Variants in MAF observed in about 807,000 individuals in gnomAD.
MAF encodes the protein MAF bZIP transcription factor, also known as transcription factor Maf.
MAF carries 10 observed loss-of-function variants against 22.0 expected under a neutral mutation model. The ratio of observed to expected loss-of-function variants is 0.45; its 90% CI spans 0.28 to 0.77. The LOEUF (loss-of-function observed/expected upper bound fraction) is 0.77. Ranked by LOEUF, MAF falls within the 30% of genes least tolerant of loss-of-function variation. The pLI is 0.12. For missense variants in MAF, 544 were observed against 548.4 expected (o/e 0.99, Z 0.08); for synonymous variants, 337 against 255.8 (o/e 1.32, Z -3.03).
chr16:79,281,838 T>G, the MAF span, among the ~76,000 whole-genome samples: 1 of 152,096 alleles, frequency 6.6e-6, no homozygotes. Context: ...TACAATCCTT[T>G]ACGCCTACAG....
At chr16:79,421,939 A>G in the MAF span, among the ~76,000 whole-genome samples, 2 of 152,092 alleles carry the variant, frequency 1.3e-5, no homozygotes, top group Admixed American at 6.5e-5. Flanking sequence ...CATCACACTC[A>G]GCTAATTTTT....
chr16:79,379,773 G>T, the MAF span, among the ~76,000 whole-genome samples: 1 of 152,054 alleles, frequency 6.6e-6, no homozygotes, highest in African/African-American at 2.4e-5. Context: ...TGTGTATGAC[G>T]GACACAGCTA....
At chr16:79,241,489 G>C in the MAF span, among the ~76,000 whole-genome samples, 5 of 151,990 alleles carry the variant, frequency 3.3e-5, no homozygotes, top group Non-Finnish European at 7.4e-5. Flanking sequence ...GACAAGATTA[G>C]AGAAAAAACA....
downstream of MAF, among the ~76,000 whole-genome samples, chr16:79,593,001 G>A (rs1913272488): frequency 3.9e-5 from 6 of 152,188 alleles, no homozygotes; most frequent in South Asian, 1.0e-3. Context: ...GAAATCAGAC[G>A]GCTGAAGGTT....
chr16:79,521,949 G>C, the MAF span, among the ~76,000 whole-genome samples: 873 of 152,242 alleles, frequency 5.7e-3, 9 homozygotes, highest in African/African-American at 0.02. Flanking sequence ...TGTAGTCCCT[G>C]CCTCCAAGGA....
the MAF span, among the ~76,000 whole-genome samples, chr16:79,453,691 C>T: frequency 6.6e-6 from 1 of 152,188 alleles, no homozygotes; most frequent in Non-Finnish European, 1.5e-5. Flanking sequence ...AGGTCGGTCA[C>T]AAGTGAATTA....
chr16:79,515,477 T>A, the MAF span, among the ~76,000 whole-genome samples: 127,127 of 152,032 alleles, frequency 0.84, 53,439 homozygotes, highest in East Asian at 0.92. Flanking sequence ...AGACTTTGCG[T>A]TTGATGATTT....
chr16:79,522,117 GA>G, the MAF span, among the ~76,000 whole-genome samples: 1 of 152,140 alleles, frequency 6.6e-6, no homozygotes, highest in Non-Finnish European at 1.5e-5. Flanking sequence ...GGTGGACAGA[GA>G]AACCATGAGA....
the MAF span, among the ~76,000 whole-genome samples, chr16:79,413,674 C>A: frequency 6.6e-6 from 1 of 152,102 alleles, no homozygotes; most frequent in South Asian, 2.1e-4. Flanking sequence ...GTATGTATTT[C>A]ACACACAGAT....
At chr16:79,362,746 A>C in the MAF span, among the ~76,000 whole-genome samples, 2 of 152,220 alleles carry the variant, frequency 1.3e-5, no homozygotes, top group African/African-American at 2.4e-5. Context: ...TGAAACTCCA[A>C]GTTGCAGATG....
the MAF span, among the ~76,000 whole-genome samples, chr16:79,228,827 G>C: frequency 2.6e-5 from 4 of 152,014 alleles, no homozygotes; most frequent in African/African-American, 9.6e-5. Context: ...TTTCCACCAA[G>C]GGTGCAGGTT....
chr16:79,450,112 CACTTACA>C, the MAF span, among the ~76,000 whole-genome samples: 1 of 152,224 alleles, frequency 6.6e-6, no homozygotes, highest in Admixed American at 6.5e-5. Context: ...TGTAACTTTT[CACTTACA>C]TCAGCTCTCC....
chr16:79,426,066 C>A, the MAF span, among the ~76,000 whole-genome samples: 1 of 152,036 alleles, frequency 6.6e-6, no homozygotes, highest in Non-Finnish European at 1.5e-5. Flanking sequence ...ATTAGCTGGG[C>A]ATGGTGGCAC....
At chr16:79,287,058 G>A in the MAF span, among the ~76,000 whole-genome samples, 1 of 151,646 alleles carries the variant, frequency 6.6e-6, no homozygotes, top group Non-Finnish European at 1.5e-5. Flanking sequence ...GGAGCAGGGA[G>A]CATGAACACA....
the MAF span, among the ~76,000 whole-genome samples, chr16:79,504,422 G>C: frequency 6.6e-6 from 1 of 152,190 alleles, no homozygotes; most frequent in African/African-American, 2.4e-5. Flanking sequence ...ACTTCGACAA[G>C]TTACTAACTT....
chr16:79,210,546 T>C, the MAF span, among the ~76,000 whole-genome samples: 1 of 152,140 alleles, frequency 6.6e-6, no homozygotes, highest in Non-Finnish European at 1.5e-5. Context: ...AGTTACCTTT[T>C]CCGGTCCTCT....
chr16:79,386,123 CA>C, the MAF span, among the ~76,000 whole-genome samples: 1 of 152,150 alleles, frequency 6.6e-6, no homozygotes. Context: ...GGACTGGTTT[CA>C]TGGAAGACAA....
At chr16:79,241,320 G>A in the MAF span, among the ~76,000 whole-genome samples, 34 of 152,034 alleles carry the variant, frequency 2.2e-4, 1 homozygote, top group Admixed American at 2.0e-3. Context: ...ATTGCTAACT[G>A]GAATAACCAG....
chr16:79,322,890 C>G, the MAF span, among the ~76,000 whole-genome samples: 1 of 151,960 alleles, frequency 6.6e-6, no homozygotes, highest in African/African-American at 2.4e-5. Flanking sequence ...GTGGCTCACG[C>G]CTGTAATCCC....
Sources: gnomAD v4.1 joint callset for allele counts (sites outside exome capture counted in the v4.1 genomes callset) on GRCh38, gnomAD v4.1.1 for gene constraint, MANE v1.5 for transcripts, NCBI Gene and HGNC (gene_info 2026-07-23, HGNC 2026-07-21) for gene names.